The following CDYL variants were observed in gnomAD, a reference collection of about 807,000 sequenced individuals.
CDYL encodes chromodomain Y like.
In CDYL, 8 loss-of-function variants were observed where a neutral mutation model predicts 47.3. That is an observed-to-expected ratio of 0.17 (90% CI 0.10 to 0.31). CDYL has a LOEUF of 0.31. CDYL is among the 10% of genes least tolerant of loss of function. CDYL has a pLI of 1.00. For synonymous variants in CDYL, 266 were observed against 265.0 expected (o/e 1.00, Z -0.04); for missense variants, 471 against 701.4 (o/e 0.67, Z 3.71).
Position 4,886,691 on chromosome 6 carries a change from A to G in CDYL, c.25-5022A>G, listed in dbSNP as rs1761908756. Among the ~76,000 whole-genome samples, 3 of 152,120 alleles carry G rather than the reference A, an allele frequency of 2.0e-5. No individual in the cohort carries two copies. In the South Asian group the frequency reaches 6.2e-4, roughly 32 times the overall value. The stretch of plus-strand genomic sequence containing the variant: ...CTTTCTTGGTGGTATCCTTTGAAGC[A>G]CAAAAGTTTTTAATTTTGATATCTA... On this transcript the variant is annotated intron_variant, in intron 1 of 6. Transcript: ENST00000397588.
chr6:4,733,899 T>C (rs1757654753), intron 2 of CDYL, among the ~76,000 whole-genome samples: 1 of 149,236 alleles, frequency 6.7e-6, no homozygotes, highest in Admixed American at 6.8e-5. Flanking sequence ...TTACCCAGGT[T>C]GGAGTGCAAT....
At chr6:4,805,485 T>C (rs1268582686) in intron 1 of CDYL, among the ~76,000 whole-genome samples, 2 of 152,102 alleles carry the variant, frequency 1.3e-5, no homozygotes, top group Non-Finnish European at 2.9e-5. Context: ...GAGAGAGATA[T>C]ATAGAACCAG....
chr6:4,763,970 T>C (rs1420969142), intron 3 of CDYL, among the ~76,000 whole-genome samples: 1 of 151,950 alleles, frequency 6.6e-6, no homozygotes, highest in Admixed American at 6.6e-5. Flanking sequence ...AAATTTGTTG[T>C]AAAGTTCTCA....
chr6:4,772,214 T>C (rs986866635), upstream of CDYL, among the ~76,000 whole-genome samples: 1 of 152,168 alleles, frequency 6.6e-6, no homozygotes, highest in Non-Finnish European at 1.5e-5. Flanking sequence ...GGTCTCAGAA[T>C]TGGCATCACG....
chr6:4,780,846 AGG>A (rs1758599680), intron 1 of CDYL, among the ~76,000 whole-genome samples: 2 of 152,368 alleles, frequency 1.3e-5, no homozygotes, highest in African/African-American at 4.8e-5. Flanking sequence ...GAAAGCTGTG[AGG>A]TCAAGAGGAC....
In CDYL at chr6:4,954,143, C is replaced by A; in HGVS notation, c.*87C>A. On this transcript the variant is annotated 3_prime_UTR_variant, in exon 7 of 7. Coordinates refer to ENST00000397588, the MANE Select transcript of CDYL (RefSeq NM_004824.4). ...AGTTCCCCTGATCCATTCTCACAGC[C>A]TGAAACAAGCTCACCCGTAGCTTAC... 7.1e-7 allele frequency: 1 copy of A among 1,399,070 alleles called. No homozygotes were observed. Among genetic ancestry groups the A allele is most frequent in the East Asian group, 2.4e-5 (1 of 42,454 alleles). 86.7% of individuals were successfully genotyped at this position (1,399,070 alleles called of 1,614,324 possible).
chr6:4,929,952 A>G (rs1377412131), intron 2 of CDYL, among the ~76,000 whole-genome samples: 1 of 152,032 alleles, frequency 6.6e-6, no homozygotes, highest in Admixed American at 6.6e-5. Flanking sequence ...ATGCTTTTTT[A>G]AAGTGTTAGA....
chr6:4,830,760 C>A (rs1001547413), intron 1 of CDYL, among the ~76,000 whole-genome samples: 1 of 118,040 alleles, frequency 8.5e-6, no homozygotes, highest in East Asian at 3.0e-4. Flanking sequence ...CCCCTCCCCC[C>A]ACCCCACAAC....
At chr6:4,753,175 G>A (rs996128335) in intron 3 of CDYL, among the ~76,000 whole-genome samples, 3 of 152,134 alleles carry the variant, frequency 2.0e-5, no homozygotes, top group Admixed American at 6.6e-5. Context: ...GCCTCCAAAA[G>A]TGGGGGATGG....
At chr6:4,948,938 T>G (rs1002534592) in intron 5 of CDYL, among the ~76,000 whole-genome samples, 1 of 152,264 alleles carries the variant, frequency 6.6e-6, no homozygotes, top group African/African-American at 2.4e-5. Context: ...TTTGGTGTAC[T>G]TGAGCTTTCA....
At chr6:4,894,088 C>G (rs1455063002) in intron 2 of CDYL, among the ~76,000 whole-genome samples, 1 of 152,194 alleles carries the variant, frequency 6.6e-6, no homozygotes, top group Non-Finnish European at 1.5e-5. Flanking sequence ...TTTTCTCTTA[C>G]TTAGTTGTAT....
At chr6:4,812,295 T>C (rs777547574) in intron 1 of CDYL, among the ~76,000 whole-genome samples, 1 of 152,224 alleles carries the variant, frequency 6.6e-6, no homozygotes, top group Non-Finnish European at 1.5e-5. Context: ...ACTTTACTTC[T>C]GCAGTGTTAA....
At chr6:4,820,437 G>A (rs1035373238) in intron 1 of CDYL, among the ~76,000 whole-genome samples, 4 of 151,870 alleles carry the variant, frequency 2.6e-5, no homozygotes, top group Non-Finnish European at 4.4e-5. Flanking sequence ...CTTGTACCAC[G>A]GTAAAGAGAT....
rs1428704440 is a variant in CDYL, at chr6:4,892,826, C to T, written c.691+447C>T. Among the ~76,000 whole-genome samples the T allele has an allele frequency of 3.3e-5, 5 of 152,332 alleles. No homozygotes were observed. The East Asian group carries it at 7.7e-4, about 24-fold the overall frequency. On this transcript the variant is annotated intron_variant, in intron 2 of 6. Transcript: ENST00000397588. Reference sequence around the variant, plus strand: ...ACCCAGGAATGCCTTTCAGTGGGAGCGTTGCTAACCCAGCAGAGCCTTTGG... The same window carrying T: ...ACCCAGGAATGCCTTTCAGTGGGAGTGTTGCTAACCCAGCAGAGCCTTTGG...
chr6:4,813,057 C>T (rs548797338), intron 1 of CDYL, among the ~76,000 whole-genome samples: 3 of 152,238 alleles, frequency 2.0e-5, no homozygotes, highest in African/African-American at 7.2e-5. Flanking sequence ...ATATGTTTAC[C>T]TTGTTCCTTT....
chr6:4,756,573 C>CGTGTGTCTGTGTGTGT (rs1228739911), intron 3 of CDYL, among the ~76,000 whole-genome samples: 121 of 125,280 alleles, frequency 9.7e-4, no homozygotes, highest in African/African-American at 4.4e-3. Context: ...TTAAAATTAT[C>CGTGTGTCTGTGTGTGT]GTGTGTATGT....
intron 5 of CDYL, among the ~76,000 whole-genome samples, chr6:4,951,545 A>C (rs1446394428): frequency 6.6e-6 from 1 of 151,950 alleles, no homozygotes; most frequent in African/African-American, 2.4e-5. Flanking sequence ...AGAAAACCTA[A>C]TGTTAGCTTT....
chr6:4,854,218 C>T (rs917810805), intron 1 of CDYL, among the ~76,000 whole-genome samples: 1 of 152,228 alleles, frequency 6.6e-6, no homozygotes, highest in Non-Finnish European at 1.5e-5. Context: ...CAGTGTCTGG[C>T]TCTCCTCACT....
chr6:4,713,022 G>A (rs1356918157), intron 1 of CDYL, among the ~76,000 whole-genome samples: 1 of 152,190 alleles, frequency 6.6e-6, no homozygotes, highest in Non-Finnish European at 1.5e-5. Context: ...GTATGCACCT[G>A]TAGATCCAGG....
Sources: allele counts gnomAD v4.1 joint callset (sites outside exome capture counted in the v4.1 genomes callset), GRCh38; gene constraint gnomAD v4.1.1; transcripts MANE v1.5; gene names NCBI Gene and HGNC (gene_info 2026-07-23, HGNC 2026-07-21).